The following FARP1 variants were observed in gnomAD, a reference collection of about 807,000 sequenced individuals.
The protein encoded by FARP1 is FERM, ARHGEF and pleckstrin domain-containing protein 1.
A neutral mutation model predicts 128.8 loss-of-function variants in FARP1; 52 were observed. The ratio of observed to expected loss-of-function variants is 0.40; its 90% confidence interval spans 0.32 to 0.51. FARP1 has a LOEUF of 0.51. FARP1 is among the 20% of genes least tolerant of loss of function. FARP1 has a pLI of 0.45. For missense variants in FARP1, 1,333 were observed against 1,367.9 expected (o/e 0.97, Z 0.40); for synonymous variants, 580 against 551.8 (o/e 1.05, Z -0.72).
intron 16 of FARP1, among the ~76,000 whole-genome samples, chr13:98,416,165 C>T (rs1361364886): frequency 2.6e-5 from 4 of 152,192 alleles, no homozygotes; most frequent in East Asian, 3.8e-4. Flanking sequence ...ATAGGAGAGT[C>T]GGCAAAACTA....
At chr13:98,220,368 C>T (rs1881345886) in intron 2 of FARP1, among the ~76,000 whole-genome samples, 1 of 152,098 alleles carries the variant, frequency 6.6e-6, no homozygotes, top group African/African-American at 2.4e-5. Flanking sequence ...GTGTGTGTGC[C>T]CAGAACTGCT....
chr13:98,319,696 G>A (rs775820962), intron 2 of FARP1, among the ~76,000 whole-genome samples: 2 of 152,212 alleles, frequency 1.3e-5, no homozygotes, highest in African/African-American at 4.8e-5. Context: ...TAAACCCACA[G>A]TAGAGCATGT....
At chr13:98,385,894 A>T in intron 8 of FARP1, 80 bp downstream of exon 8, 1 of 1,447,198 alleles carries the variant, frequency 6.9e-7, no homozygotes, top group South Asian at 1.2e-5. Context: ...ATTCATATTC[A>T]GTGGGCTAAG....
At position 98,431,067 on chromosome 13, in the gene FARP1, C is replaced by A. The variant is rs61730892; in HGVS notation, c.1930C>A (p.His644Asn). The change falls in exon 18 of 27, where the codon CAC becomes AAC. Residue 644 changes from histidine to asparagine, a missense_variant. Around this residue, in one of 2 missense-constraint regions of FARP1, gnomAD observed 1,009 missense variants for 969.8 expected, o/e 1.04. Transcript: ENST00000319562. ...GCACCTGGCGGCTCACCTGTGGAAG[C>A]ACAGCGAGGCCTTGGAGGCCCTGGA... ...MKHLAAHLWKHSEALEALENG... is the reference protein window; with the variant it reads ...MKHLAAHLWKNSEALEALENG... The A allele has an allele frequency of 5.6e-6, 9 of 1,613,730 alleles. No individual in the cohort carries two copies. In the South Asian group the frequency reaches 9.9e-5, roughly 18 times the overall value.
intron 2 of FARP1, among the ~76,000 whole-genome samples, chr13:98,262,486 A>G (rs1457825981): frequency 1.3e-5 from 2 of 152,148 alleles, no homozygotes; most frequent in Admixed American, 1.3e-4. Flanking sequence ...TTTCTATTGA[A>G]GATCATGGAA....
intron 2 of FARP1, among the ~76,000 whole-genome samples, chr13:98,215,604 T>C (rs1881012347): frequency 1.3e-5 from 2 of 152,206 alleles, no homozygotes; most frequent in Non-Finnish European, 2.9e-5. Flanking sequence ...AACTAAATAG[T>C]AGTAATGACA....
At chr13:98,438,928 GCTCCCAAGGCCGGAC>G in intron 20 of FARP1, 56 bp downstream of exon 20, 1 of 1,584,510 alleles carries the variant, frequency 6.3e-7, no homozygotes. Context: ...GGCAAGCAAG[GCTCCCAAGGCCGGAC>G]CTCGGCCACC....
intron 3 of FARP1, among the ~76,000 whole-genome samples, chr13:98,344,459 G>A (rs367904370): frequency 3.3e-5 from 5 of 152,164 alleles, no homozygotes; most frequent in Admixed American, 1.3e-4. Context: ...GACCATGCCC[G>A]GGGGTGAAGA....
chr13:98,230,960 G>A (rs910960463), intron 2 of FARP1, among the ~76,000 whole-genome samples: 1 of 152,182 alleles, frequency 6.6e-6, no homozygotes, highest in African/African-American at 2.4e-5. Context: ...TTACATGGCG[G>A]CAGACAAGAG....
chr13:98,378,482 A>C (rs1346968137), intron 6 of FARP1, among the ~76,000 whole-genome samples: 2 of 152,204 alleles, frequency 1.3e-5, no homozygotes, highest in Non-Finnish European at 2.9e-5. Context: ...TTCCCTCTTG[A>C]CCAAGGCAGA....
intron 13 of FARP1, chr13:98,401,750 C>A (rs1350855582): frequency 1.3e-5 from 2 of 151,664 alleles, no homozygotes; most frequent in Non-Finnish European, 2.9e-5. Context: ...TTATTTAACC[C>A]CTAGTGAAAG....
chr13:98,365,604 T>C (rs1268597288), intron 4 of FARP1, among the ~76,000 whole-genome samples, 167 bp downstream of exon 4: 4 of 152,252 alleles, frequency 2.6e-5, no homozygotes, highest in Non-Finnish European at 5.9e-5. Context: ...ATGTGTGTCT[T>C]CTGCAGTTTT....
intron 2 of FARP1, chr13:98,334,209 G>A (rs1887642424): frequency 6.6e-6 from 1 of 152,336 alleles, no homozygotes; most frequent in South Asian, 2.1e-4. Flanking sequence ...CACAGCTGAG[G>A]TGCAGGTGTG....
chr13:98,280,312 C>T lies in FARP1; in HGVS notation c.172-63450C>T, dbSNP rs535876250. 2.6e-5 allele frequency among the ~76,000 whole-genome samples: 4 copies of T among 152,344 alleles called. No homozygotes were observed. In the South Asian group the frequency reaches 6.2e-4, roughly 24 times the overall value. ...GCATCAGCTGGTTTTCCAGCCCAGC[C>T]CCGAGCCCCCACGGGAAATGGCCCG... On this transcript the variant is annotated intron_variant, in intron 2 of 26. Transcript: ENST00000319562.
intron 3 of FARP1, among the ~76,000 whole-genome samples, chr13:98,363,370 A>G (rs1301867795): frequency 2.0e-5 from 3 of 152,210 alleles, no homozygotes; most frequent in African/African-American, 7.2e-5. Flanking sequence ...TTGCATATAT[A>G]TAGAATTTTC....
At chr13:98,400,414 GCT>G (rs1170841943) in intron 13 of FARP1, 1 of 152,214 alleles carries the variant, frequency 6.6e-6, no homozygotes, top group South Asian at 2.1e-4. Context: ...TGTGCACACA[GCT>G]CTCTGTTTCA....
At chr13:98,369,705 T>G (rs568452183) in intron 5 of FARP1, among the ~76,000 whole-genome samples, 1 of 152,258 alleles carries the variant, frequency 6.6e-6, no homozygotes, top group Non-Finnish European at 1.5e-5. Flanking sequence ...TCATCATTTT[T>G]TATGGCTGCA....
Position 98,239,263 on chromosome 13 carries a change from G to C in FARP1, c.171+25850G>C, listed in dbSNP as rs548329322. 5.3e-5 allele frequency among the ~76,000 whole-genome samples: 8 copies of C among 152,252 alleles called. No individual in the cohort carries two copies. The East Asian group carries it at 1.4e-3, about 26-fold the overall frequency. On this transcript the variant is annotated intron_variant, in intron 2 of 26. Coordinates refer to ENST00000319562, the MANE Select transcript of FARP1 (RefSeq NM_005766.4). Reference sequence around the variant, plus strand: ...CCTATTAGGTTCTCTACCCTGGACCGACCCTGGTTGTGTTTTCTCTCCCTC... The same window carrying C: ...CCTATTAGGTTCTCTACCCTGGACCCACCCTGGTTGTGTTTTCTCTCCCTC...
chr13:98,209,077 C>T (rs1052668295), intron 1 of FARP1, among the ~76,000 whole-genome samples: 22 of 152,172 alleles, frequency 1.4e-4, no homozygotes, highest in African/African-American at 5.1e-4. Context: ...GGCACGATCT[C>T]GGCTCACTGT....
Sources: gnomAD v4.1 joint callset for allele counts (sites outside exome capture counted in the v4.1 genomes callset) on GRCh38, gnomAD v4.1.1 for gene constraint, gnomAD v4.1.1 regional missense constraint, MANE v1.5 for transcripts, NCBI Gene and HGNC (gene_info 2026-07-23, HGNC 2026-07-21) for gene names.